Variants in CWC15 observed in about 807,000 individuals in gnomAD.
CWC15 encodes spliceosome-associated protein CWC15 homolog.
Under a neutral mutation model 28.4 loss-of-function variants are expected in CWC15, and 12 were observed. That is an observed-to-expected ratio of 0.42 (90% CI 0.27 to 0.69). CWC15 has a LOEUF of 0.69. CWC15 is among the 30% of genes least tolerant of loss of function. The probability of loss-of-function intolerance (pLI) is 0.23; values close to 1 mark genes in which losing one functional copy is unlikely to be tolerated. For synonymous variants in CWC15, 92 were observed against 88.4 expected, an observed-to-expected ratio of 1.04 and a Z score of -0.23; for missense variants, 192 against 271.5, an observed-to-expected ratio of 0.71 and a Z score of 2.06.
Position 94,970,100 on chromosome 11 carries a change from AAAG to A in CWC15, c.334-7_334-5del, listed in dbSNP as rs1565414227. 7.0e-7 allele frequency: 1 copy of A among 1,436,292 alleles called. No homozygotes were observed. Among genetic ancestry groups the A allele is most frequent in the Admixed American group, 2.0e-5 (1 of 49,364 alleles). The allele number at this position is 1,436,292 out of a possible 1,614,324, so 89.0% of individuals were successfully genotyped here. On this transcript the variant is annotated splice_polypyrimidine_tract_variant and splice_region_variant and intron_variant, in intron 4 of 6. Transcript: ENST00000279839. ...CTTCAAAATCTTCATCTTCCTCCTA[AAAG>A]AACAGTGAGAGCCCAGAAGATTGGA...
intron 2 of CWC15, among the ~76,000 whole-genome samples, chr11:94,971,807 C>A (rs587725048): frequency 6.6e-6 from 1 of 152,310 alleles, no homozygotes; most frequent in Non-Finnish European, 1.5e-5. Flanking sequence ...GACTGGTGCT[C>A]ATAGTGCATA....
At chr11:94,968,275 G>A (rs1248735863) in intron 5 of CWC15, among the ~76,000 whole-genome samples, 6 of 152,168 alleles carry the variant, frequency 3.9e-5, no homozygotes, top group African/African-American at 1.4e-4. Context: ...GCCCTTTACA[G>A]AAAGGGTGCT....
At chr11:94,971,574 G>A in intron 2 of CWC15, 87 bp from the exon 3 acceptor site, 1 of 750,772 alleles carries the variant, frequency 1.3e-6, no homozygotes, top group East Asian at 2.7e-5. Context: ...AGACAATTCA[G>A]GAATGAGACT....
At chr11:94,970,608 G>T (rs913426080) in intron 4 of CWC15, 3 of 210,000 alleles carry the variant, frequency 1.4e-5, no homozygotes, top group African/African-American at 7.0e-5. Context: ...ATATGGAAAG[G>T]CCTCCAGGTA....
chr11:94,963,291 A>G lies in CWC15; in HGVS notation c.*94T>C, dbSNP rs1330359242. On this transcript the variant is annotated 3_prime_UTR_variant, in exon 7 of 7. Coordinates refer to ENST00000279839, the MANE Select transcript of CWC15 (RefSeq NM_016403.4). Reference sequence around the variant, plus strand: ...TTTAAAACTGGGGAAGCCCACACACAATTTAGACAGGGGAAAAGAAAAAAA... The same window carrying G: ...TTTAAAACTGGGGAAGCCCACACACGATTTAGACAGGGGAAAAGAAAAAAA... The G allele has an allele frequency of 1.9e-6, 2 of 1,038,002 alleles. No homozygotes were observed. The highest frequency in any genetic ancestry group is 2.6e-6 in the Non-Finnish European group (2 of 760,204). 64.3% of individuals were successfully genotyped at this position (1,038,002 alleles called of 1,614,324 possible).
chr11:94,966,754 A>G (rs1021184459), intron 5 of CWC15, among the ~76,000 whole-genome samples: 1 of 152,132 alleles, frequency 6.6e-6, no homozygotes, highest in Admixed American at 6.5e-5. Flanking sequence ...TTTTAAGCAT[A>G]TATCAATAAG....
At chr11:94,971,230 A>G (rs1857715295) in intron 3 of CWC15, 145 bp downstream of exon 3, 10 of 921,426 alleles carry the variant, frequency 1.1e-5, no homozygotes, top group Non-Finnish European at 1.5e-5. Flanking sequence ...ATTTGTTGTT[A>G]TTATCTCTAA....
intron 5 of CWC15, among the ~76,000 whole-genome samples, chr11:94,969,378 T>TTCA (rs1857687527): frequency 1.3e-5 from 2 of 152,202 alleles, no homozygotes; most frequent in Admixed American, 1.3e-4. Context: ...CAACCAGCTC[T>TTCA]TCATGTCCTT....
intron 5 of CWC15, among the ~76,000 whole-genome samples, chr11:94,968,224 A>G (rs1389476448): frequency 5.3e-5 from 8 of 152,212 alleles, no homozygotes; most frequent in African/African-American, 1.9e-4. Flanking sequence ...TAGGTGTGAT[A>G]GAGGCTCCAT....
In CWC15 at chr11:94,970,963, G is replaced by A. The variant is rs1416852022; in HGVS notation, c.333+14C>T. On this transcript the variant is annotated intron_variant, in intron 4 of 6. Coordinates refer to ENST00000279839, the MANE Select transcript of CWC15 (RefSeq NM_016403.4). ...AATCAATTATTAGAGATGAAAGGAG[G>A]AAACAAAACATACATCTGTTAGAGG... 4.4e-6 allele frequency: 7 copies of A among 1,586,590 alleles called. No individual in the cohort carries two copies. Among genetic ancestry groups the A allele is most frequent in the Non-Finnish European group, 6.1e-6 (7 of 1,155,146 alleles).
intron 3 of CWC15, 42 bp downstream of exon 3, chr11:94,971,333 A>T: frequency 6.8e-7 from 1 of 1,472,440 alleles, no homozygotes; most frequent in Non-Finnish European, 9.4e-7. Flanking sequence ...AACTATCAAC[A>T]ACATAATTTT....
intron 1 of CWC15, among the ~76,000 whole-genome samples, chr11:94,972,423 A>G (rs1453379570): frequency 1.3e-5 from 2 of 152,144 alleles, no homozygotes; most frequent in African/African-American, 2.4e-5. Context: ...TGAAGATCTG[A>G]GTTTGCATCC....
At chr11:94,973,328 G>C (rs1315819227) in intron 1 of CWC15, 170 bp downstream of exon 1, 1 of 152,336 alleles carries the variant, frequency 6.6e-6, no homozygotes, top group Non-Finnish European at 1.5e-5. Context: ...TCTCCTCGGC[G>C]GGCCCAAGAG....
At chr11:94,968,377 C>CT (rs1555095638) in intron 5 of CWC15, among the ~76,000 whole-genome samples, 1 of 152,178 alleles carries the variant, frequency 6.6e-6, no homozygotes, top group African/African-American at 2.4e-5. Flanking sequence ...ATAAAAGAAA[C>CT]TATCATTCAA....
chr11:94,969,290 T>G (rs1235438644), intron 5 of CWC15, among the ~76,000 whole-genome samples: 2 of 152,218 alleles, frequency 1.3e-5, no homozygotes, highest in Admixed American at 6.5e-5. Flanking sequence ...CTCAGTTTTT[T>G]TCCAATCCAT....
intron 1 of CWC15, among the ~76,000 whole-genome samples, chr11:94,973,074 A>C (rs1236047993): frequency 1.3e-5 from 2 of 150,528 alleles, no homozygotes; most frequent in African/African-American, 2.4e-5. Flanking sequence ...TAATTCTCTC[A>C]ACTTTCAAAA....
rs782054752 is a variant in CWC15 at position 94,971,052 on chromosome 11, G to C, written c.258C>G (p.Ser86=). The change falls in exon 4 of 7, where the codon TCC becomes TCG. Residue 86 remains serine, a synonymous_variant. Coordinates refer to ENST00000279839, the MANE Select transcript of CWC15 (RefSeq NM_016403.4). ...ACCGTGGCTTTTTTGACACTGAAGA[G>C]GAGGTTGTATGTTCTGGGGGGAAAC... ...RDRPTREHTT[S]SSVSKKPRLD... is the part of the protein sequence containing the mutation. 6.2e-7 allele frequency: 1 copy of C among 1,613,542 alleles called. No individual in the cohort carries two copies. Among genetic ancestry groups the C allele is most frequent in the Non-Finnish European group, 8.5e-7 (1 of 1,179,496 alleles).
intron 4 of CWC15, 152 bp from the exon 5 acceptor site, chr11:94,970,248 C>A: frequency 2.4e-6 from 1 of 413,350 alleles, no homozygotes; most frequent in East Asian, 3.6e-5. Context: ...CTCAAAAGTG[C>A]AAAAAAGTGT....
At chr11:94,969,915 A>T in intron 5 of CWC15, 74 bp downstream of exon 5, 1 of 770,656 alleles carries the variant, frequency 1.3e-6, no homozygotes, top group Non-Finnish European at 2.0e-6. Flanking sequence ...AGAAGATATT[A>T]CTTATATTCA....
Sources: allele counts gnomAD v4.1 joint callset (sites outside exome capture counted in the v4.1 genomes callset), GRCh38; gene constraint gnomAD v4.1.1; transcripts MANE v1.5; gene names NCBI Gene and HGNC (gene_info 2026-07-23, HGNC 2026-07-21).